Variants in AKAP13 observed in about 807,000 individuals in gnomAD.
AKAP13 encodes the protein A-kinase anchor protein 13.
In AKAP13, 80 loss-of-function variants were observed where a neutral mutation model predicts 264.5. The observed-to-expected ratio is 0.30, with a 90% CI of 0.25 to 0.36. AKAP13 has a LOEUF of 0.36. Among genes scored for constraint, AKAP13 ranks in the 10% least tolerant of loss-of-function variants. The pLI is 1.00. For missense variants in AKAP13, 3,712 were observed against 3,435.2 expected (o/e 1.08, Z -2.01); for synonymous variants, 1,380 against 1,250.2 (o/e 1.10, Z -2.19).
intron 8 of AKAP13, among the ~76,000 whole-genome samples, chr15:85,613,713 T>TATATATATATATATATATGTATG (rs1254657975): frequency 9.0e-6 from 1 of 110,988 alleles, no homozygotes; most frequent in Non-Finnish European, 1.9e-5. Context: ...TATATATATA[T>TATATATATATATATATATGTATG]TAGGAGTGCT....
At chr15:85,672,953 T>C (rs2084004242) in intron 14 of AKAP13, among the ~76,000 whole-genome samples, 1 of 152,260 alleles carries the variant, frequency 6.6e-6, no homozygotes, top group African/African-American at 2.4e-5. Context: ...ATTATGAGTG[T>C]GCTTGTTTAG....
Position 85,655,762 on chromosome 15 carries a change from A to G in AKAP13, c.4720A>G (p.Ser1574Gly), listed in dbSNP as rs748436793. 4 of 1,610,830 alleles carry G rather than the reference A, an allele frequency of 2.5e-6. No homozygotes were observed. In the East Asian group the frequency reaches 6.7e-5, roughly 27 times the overall value. The change falls in exon 11 of 37, where the codon AGC (serine) becomes GGC (glycine). Residue 1574 changes from serine (S) to glycine (G), a missense_variant. Physicochemically the swap from Ser to Gly is moderately conservative, Grantham distance 56. Transcript: ENST00000394518. ...HSWGPGKNAA[S>G]DAEMNHRSSM... is the part of the protein sequence containing the mutation. ...CTGGGGGCCTGGGAAAAATGCAGCC[A>G]GCGATGCAGAAATGAACCACCGGAG...
chr15:85,486,164 C>G (rs938416690), intron 2 of AKAP13, among the ~76,000 whole-genome samples: 6 of 152,188 alleles, frequency 3.9e-5, no homozygotes, highest in African/African-American at 1.4e-4. Flanking sequence ...GTACTGTTTT[C>G]TTTAGGACTC....
chr15:85,409,911 G>A (rs1456450162), intron 1 of AKAP13, among the ~76,000 whole-genome samples: 1 of 151,574 alleles, frequency 6.6e-6, no homozygotes, highest in Non-Finnish European at 1.5e-5. Context: ...GATTACAGGC[G>A]TGAGACACCG....
chr15:85,574,803 T>C (rs994924997), intron 5 of AKAP13, among the ~76,000 whole-genome samples: 1 of 152,206 alleles, frequency 6.6e-6, no homozygotes, highest in African/African-American at 2.4e-5. Flanking sequence ...AAAATCAGGC[T>C]AAAACCATCT....
At chr15:85,473,251 G>T (rs1156998678) in intron 1 of AKAP13, among the ~76,000 whole-genome samples, 1 of 152,140 alleles carries the variant, frequency 6.6e-6, no homozygotes, top group Non-Finnish European at 1.5e-5. Flanking sequence ...GGGCGCGGGT[G>T]TGGGGGTGGG....
chr15:85,607,986 A>G (rs116095673), intron 8 of AKAP13, among the ~76,000 whole-genome samples: 1 of 152,200 alleles, frequency 6.6e-6, no homozygotes, highest in African/African-American at 2.4e-5. Flanking sequence ...TTTTTTGGAC[A>G]ATTGATAAAA....
intron 14 of AKAP13, among the ~76,000 whole-genome samples, chr15:85,674,035 T>C (rs1238691761): frequency 1.3e-5 from 2 of 151,816 alleles, no homozygotes; most frequent in Non-Finnish European, 2.9e-5. Context: ...TTTTCATTGC[T>C]CCCACCCAGA....
intron 5 of AKAP13, among the ~76,000 whole-genome samples, chr15:85,544,937 G>A (rs993721161): frequency 6.6e-6 from 1 of 152,150 alleles, no homozygotes; most frequent in African/African-American, 2.4e-5. Flanking sequence ...TATATAGTCT[G>A]GAAGGACCAA....
chr15:85,678,817 C>T (rs556689951), intron 14 of AKAP13, among the ~76,000 whole-genome samples: 2 of 151,668 alleles, frequency 1.3e-5, no homozygotes, highest in African/African-American at 2.4e-5. Context: ...TGCAGTGAGC[C>T]GAGATCATGC....
At chr15:85,454,663 T>C (rs867309763) in intron 1 of AKAP13, among the ~76,000 whole-genome samples, 8 of 152,190 alleles carry the variant, frequency 5.3e-5, no homozygotes, top group African/African-American at 9.7e-5. Flanking sequence ...AAAAATCTTA[T>C]CGTGATGTAA....
chr15:85,706,938 C>T (rs1218007765), intron 17 of AKAP13, among the ~76,000 whole-genome samples: 1 of 152,112 alleles, frequency 6.6e-6, no homozygotes, highest in Non-Finnish European at 1.5e-5. Flanking sequence ...TCCTTCCCTC[C>T]CCATCATCAC....
rs1279071847 is a variant in AKAP13, at chr15:85,579,368, A to G, written c.1300A>G (p.Thr434Ala). The G allele has an allele frequency of 6.2e-7, 1 of 1,614,254 alleles. No individual in the cohort carries two copies. Among genetic ancestry groups the G allele is most frequent in the Non-Finnish European group, 8.5e-7 (1 of 1,180,040 alleles). The change falls in exon 7 of 37, where the codon ACA becomes GCA. Residue 434 changes from threonine (T) to alanine (A), a missense_variant. Around this residue, in one of 3 missense-constraint regions of AKAP13, gnomAD observed 2,759 missense variants for 2,411.7 expected, o/e 1.14. Transcript: ENST00000394518. ...TGGAACAAAATCTTCTGGAATGCCC[A>G]CAGACCAGGAGTCCCTGAGCAGTGG... ...ETGTKSSGMPTDQESLSSGDA... is the reference protein window; with the variant it reads ...ETGTKSSGMPADQESLSSGDA...
intron 1 of AKAP13, among the ~76,000 whole-genome samples, chr15:85,480,025 C>T (rs1407051828): frequency 1.3e-5 from 2 of 152,170 alleles, no homozygotes; most frequent in East Asian, 3.8e-4. Context: ...GACTTTAAAA[C>T]AGACATGCTG....
intron 8 of AKAP13, among the ~76,000 whole-genome samples, chr15:85,606,105 T>G (rs937441490): frequency 3.4e-5 from 3 of 87,338 alleles, no homozygotes; most frequent in Non-Finnish European, 6.3e-5. Flanking sequence ...TTTTTTTTTT[T>G]TTTTTTTTTT....
At chr15:85,557,207 T>C (rs561206050) in intron 5 of AKAP13, among the ~76,000 whole-genome samples, 1 of 152,330 alleles carries the variant, frequency 6.6e-6, no homozygotes, top group East Asian at 1.9e-4. Flanking sequence ...TAAAATTTAT[T>C]TTTTAGCCCT....
At chr15:85,406,658 T>C (rs75874921) in intron 1 of AKAP13, among the ~76,000 whole-genome samples, 2,378 of 151,664 alleles carry the variant, frequency 0.016, 139 homozygotes, top group African/African-American at 0.055. Context: ...GAATTCCTAT[T>C]TAGAAATAAA....
chr15:85,591,419 T>G (rs540705145), intron 8 of AKAP13, among the ~76,000 whole-genome samples: 102 of 152,288 alleles, frequency 6.7e-4, no homozygotes, highest in African/African-American at 2.4e-3. Context: ...CTTTAGCCAT[T>G]TTAAGATGTA....
chr15:85,736,196 A>G, intron 33 of AKAP13, 62 bp downstream of exon 33: 1 of 1,367,728 alleles, frequency 7.3e-7, no homozygotes, highest in South Asian at 1.3e-5. Flanking sequence ...AGTTAGGAAT[A>G]TTGTTTTTTC....
Sources: allele counts gnomAD v4.1 joint callset (sites outside exome capture counted in the v4.1 genomes callset), GRCh38; gene constraint gnomAD v4.1.1; regional missense constraint gnomAD v4.1.1; transcripts MANE v1.5; gene names NCBI Gene and HGNC (gene_info 2026-07-23, HGNC 2026-07-21).